The following CEACAM5 variants were observed in gnomAD, a reference collection of about 807,000 sequenced individuals.
CEACAM5 encodes the protein CEA cell adhesion molecule 5.
A neutral mutation model predicts 63.0 loss-of-function variants in CEACAM5; 52 were observed. The observed-to-expected ratio is 0.83, with a 90% CI of 0.66 to 1.04. The LOEUF is 1.04. Ranked by LOEUF, CEACAM5 falls within the 50% of genes least tolerant of loss-of-function variation. CEACAM5 has a pLI of 0.00. For missense variants in CEACAM5, 790 were observed against 864.8 expected (o/e 0.91, Z 1.08); for synonymous variants, 357 against 351.3 (o/e 1.02, Z -0.18).
chr19:41,723,192 A>G (rs541639611), intron 8 of CEACAM5, among the ~76,000 whole-genome samples: 63 of 152,210 alleles, frequency 4.1e-4, no homozygotes, highest in Middle Eastern at 3.4e-3. Flanking sequence ...GATTACAGGC[A>G]TGAGCCACCG....
intron 6 of CEACAM5, 152 bp downstream of exon 6, chr19:41,718,534 T>TACAA: frequency 1.3e-6 from 1 of 768,016 alleles, no homozygotes; most frequent in Non-Finnish European, 2.1e-6. Context: ...AATTTGTCTC[T>TACAA]ACAAACACTC....
chr19:41,723,441 G>A (rs1419021940), intron 8 of CEACAM5, among the ~76,000 whole-genome samples: 1 of 152,114 alleles, frequency 6.6e-6, no homozygotes, highest in Admixed American at 6.5e-5. Flanking sequence ...GCATGTGCTT[G>A]TTGGCCATTT....
At chr19:41,722,695 A>T (rs2072641638) in intron 8 of CEACAM5, among the ~76,000 whole-genome samples, 1 of 152,244 alleles carries the variant, frequency 6.6e-6, no homozygotes, top group African/African-American at 2.4e-5. Flanking sequence ...GTTGAAGAAC[A>T]TTCCATTGTA....
rs1163257233 is a variant in CEACAM5, at chr19:41,715,964, A to G, written c.958+60A>G. The G allele has an allele frequency of 5.1e-6, 8 of 1,572,174 alleles. No homozygotes were observed. In the African/African-American group the frequency reaches 6.8e-5, roughly 13 times the overall value. On this transcript the variant is annotated intron_variant, in intron 4 of 9. Transcript: ENST00000221992. ...TGAGGTGGAGTCTGTCTGGTTTTCAAACAAGAGCCAGGAAGACATTTTCTA... is the reference window on the plus strand; with the variant it reads ...TGAGGTGGAGTCTGTCTGGTTTTCAGACAAGAGCCAGGAAGACATTTTCTA...
At chr19:41,710,592 A>G (rs1382063569) in intron 2 of CEACAM5, among the ~76,000 whole-genome samples, 8 of 152,138 alleles carry the variant, frequency 5.3e-5, no homozygotes, top group Non-Finnish European at 1.2e-4. Flanking sequence ...CCAGAGTCTC[A>G]TTTGGACAAG....
chr19:41,721,162 G>A lies in CEACAM5; in HGVS notation c.2012G>A (p.Ser671Asn), dbSNP rs1172128197. ...GGCCGCAATAATTCCATAGTCAAGA[G>A]CATCACAGTCTCTGGTAAGTGGCTC... Reference protein sequence around the residue: ...ATGRNNSIVKSITVSASGTSP... With the variant: ...ATGRNNSIVKNITVSASGTSP... Residue 671 changes from serine to asparagine, a missense_variant, in exon 8 of 10, where the codon AGC becomes AAC. Physicochemically the swap from Ser to Asn is conservative, Grantham distance 46 (BLOSUM62 1). Coordinates refer to ENST00000221992, the MANE Select transcript of CEACAM5 (RefSeq NM_004363.6). The A allele has an allele frequency of 3.7e-6, 6 of 1,614,102 alleles. No homozygotes were observed. The highest frequency in any genetic ancestry group is 4.2e-6 in the Non-Finnish European group (5 of 1,180,036).
chr19:41,714,822 G>T, intron 2 of CEACAM5, 149 bp from the exon 3 acceptor site: 1 of 1,407,954 alleles, frequency 7.1e-7, no homozygotes, highest in Non-Finnish European at 9.6e-7. Flanking sequence ...TCAGATCATC[G>T]TGCATCTGTC....
intron 8 of CEACAM5, among the ~76,000 whole-genome samples, chr19:41,721,944 G>T (rs1417355675): frequency 6.6e-6 from 1 of 152,206 alleles, no homozygotes; most frequent in Admixed American, 6.5e-5. Context: ...GGAGAAATAG[G>T]GAGATTCAGC....
At chr19:41,714,852 C>T (rs1555814597) in intron 2 of CEACAM5, 119 bp from the exon 3 acceptor site, 90 of 1,542,324 alleles carry the variant, frequency 5.8e-5, no homozygotes, top group African/African-American at 2.7e-5. Context: ...ATGCACCCAC[C>T]GTGGGTTTTT....
At chr19:41,727,862 C>T (rs1376484966) in intron 9 of CEACAM5, among the ~76,000 whole-genome samples, 1 of 152,138 alleles carries the variant, frequency 6.6e-6, no homozygotes, top group Non-Finnish European at 1.5e-5. Flanking sequence ...CCACCACTCC[C>T]TTATATAATT....
intron 8 of CEACAM5, among the ~76,000 whole-genome samples, chr19:41,722,496 C>T (rs1555816423): frequency 6.6e-6 from 1 of 152,158 alleles, no homozygotes; most frequent in East Asian, 1.9e-4. Flanking sequence ...AACAGTAACT[C>T]CTTCTCTCCC....
At chr19:41,726,566 G>A (rs782073466) in intron 8 of CEACAM5, among the ~76,000 whole-genome samples, 1 of 152,200 alleles carries the variant, frequency 6.6e-6, no homozygotes, top group African/African-American at 2.4e-5. Context: ...AATTTACCGG[G>A]GGGAACCACC....
chr19:41,715,731 CCTCTAACCCACCTGCACAGTA>C lies in CEACAM5; in HGVS notation c.790_810del (p.Asn264_Ser270del), dbSNP rs1555814911. On this transcript the variant is annotated inframe_deletion, in exon 4 of 10. Transcript: ENST00000221992. ...AATCTGAACCTCTCCTGCCACGCAGCCTCTAACCCACCTGCACAGTACTCTTGGTTTGTCAATGGGACTTTC... is the reference window on the plus strand; with the variant it reads ...AATCTGAACCTCTCCTGCCACGCAGCCTCTTGGTTTGTCAATGGGACTTTC... The C allele has an allele frequency of 6.2e-7, 1 of 1,614,212 alleles. No homozygotes were observed. The highest frequency in any genetic ancestry group is 1.3e-5 in the African/African-American group (1 of 75,038).
At chr19:41,709,380 G>C (rs1250030559) in intron 1 of CEACAM5, among the ~76,000 whole-genome samples, 1 of 152,208 alleles carries the variant, frequency 6.6e-6, no homozygotes, top group African/African-American at 2.4e-5. Flanking sequence ...AGGTGTCAGG[G>C]AAGGGATCTC....
rs144745535 is a variant in CEACAM5, at chr19:41,721,960, G to A, written c.2026+784G>A. On this transcript the variant is annotated intron_variant, in intron 8 of 9. Transcript: ENST00000221992. ...GAGAAATAGGGAGATTCAGCCATAG[G>A]GGCTCTGCATGGGAGGGAACAGGCA... Among the ~76,000 whole-genome samples, 3 of 152,326 alleles carry A rather than the reference G, an allele frequency of 2.0e-5. No individual in the cohort carries two copies. The East Asian group carries it at 5.8e-4, about 29-fold the overall frequency.
At chr19:41,723,096 T>A (rs797042393) in intron 8 of CEACAM5, among the ~76,000 whole-genome samples, 24 of 152,006 alleles carry the variant, frequency 1.6e-4, no homozygotes, top group African/African-American at 5.8e-4. Context: ...TTATTTTTAG[T>A]AGAGACTGAG....
chr19:41,713,108 C>T (rs372884883), intron 2 of CEACAM5, among the ~76,000 whole-genome samples: 3 of 152,212 alleles, frequency 2.0e-5, no homozygotes, highest in East Asian at 3.9e-4. Flanking sequence ...AGATCAAGAC[C>T]ATCCTGGCCA....
chr19:41,713,987 G>A (rs372657261), intron 2 of CEACAM5, among the ~76,000 whole-genome samples: 13 of 152,256 alleles, frequency 8.5e-5, no homozygotes, highest in South Asian at 2.1e-4. Context: ...GGCCAAGGTG[G>A]GCAGAACACC....
In CEACAM5 at chr19:41,720,123, A is replaced by G; in HGVS notation, c.1686A>G (p.Thr562=). 6.2e-7 allele frequency: 1 copy of G among 1,614,234 alleles called. No individual in the cohort carries two copies. The highest frequency in any genetic ancestry group is 8.5e-7 in the Non-Finnish European group (1 of 1,180,046). ...GGACCCTCACTCTATTCAATGTCAC[A>G]AGAAATGACGCAAGAGCCTATGTAT... is the stretch of plus-strand genomic sequence containing the variant. ...GNRTLTLFNV[T]RNDARAYVCG... The change falls in exon 7 of 10, where the codon ACA becomes ACG. Residue 562 remains threonine (T), a synonymous_variant. Coordinates refer to ENST00000221992, the MANE Select transcript of CEACAM5 (RefSeq NM_004363.6).
Sources: gnomAD v4.1 joint callset for allele counts (sites outside exome capture counted in the v4.1 genomes callset) on GRCh38, gnomAD v4.1.1 for gene constraint, MANE v1.5 for transcripts, NCBI Gene and HGNC (gene_info 2026-07-23, HGNC 2026-07-21) for gene names.